The following C1QTNF8 variants were observed in gnomAD, a reference collection of about 807,000 sequenced individuals.
The protein encoded by C1QTNF8 is C1q and TNF related 8, also known as complement C1q tumor necrosis factor-related protein 8.
Under a neutral mutation model 19.2 loss-of-function variants are expected in C1QTNF8, and 27 were observed. That is an observed-to-expected ratio of 1.41 (90% CI 1.04 to 1.94). The LOEUF (loss-of-function observed/expected upper bound fraction) is 1.94, where lower values mean the gene tolerates loss of function less well. C1QTNF8 is among the 30% of genes most tolerant of loss of function. The probability of loss-of-function intolerance (pLI) is 0.00; values close to 1 mark genes in which losing one functional copy is unlikely to be tolerated. For synonymous variants in C1QTNF8, 208 were observed against 172.8 expected, an observed-to-expected ratio of 1.20 and a Z score of -1.60; for missense variants, 484 against 374.4, an observed-to-expected ratio of 1.29 and a Z score of -2.42.
In C1QTNF8 at chr16:1,092,405, CTCAA is replaced by C. The variant is rs745885646; in HGVS notation, c.*4+1088_*4+1091del. 4.9e-3 allele frequency among the ~76,000 whole-genome samples: 732 copies of C among 149,866 alleles called. 3 individuals carry two copies. The highest frequency in any genetic ancestry group is 0.01 in the Middle Eastern group (3 of 292). ...AACCAATCCCTGCACACAGTCGGCG[CTCAA>C]TCAATCACTGCACACAGTCGGCACT... On this transcript the variant is annotated intron_variant, in intron 4 of 4. Transcript: ENST00000328449.
intron 2 of C1QTNF8, 64 bp from the exon 3 acceptor site, chr16:1,094,997 T>C: frequency 1.4e-6 from 1 of 692,026 alleles, no homozygotes; most frequent in Non-Finnish European, 2.1e-6. Flanking sequence ...CCCCAGACCC[T>C]ACGGCAGCCC....
In C1QTNF8 at chr16:1,088,399, C is replaced by A. The variant is rs558906993; in HGVS notation, c.*2200G>T. ...ACTCATGATTAAAGCCAGCACGGGC[C>A]GACCACGGGGGTGCCCGGTGCGGTT... On this transcript the variant is annotated 3_prime_UTR_variant, in exon 5 of 5. Coordinates refer to ENST00000328449, the MANE Select transcript of C1QTNF8 (RefSeq NM_207419.3). 1.3e-5 allele frequency among the ~76,000 whole-genome samples: 2 copies of A among 152,282 alleles called. No homozygotes were observed. The highest frequency in any genetic ancestry group is 2.4e-5 in the African/African-American group (1 of 41,554).
chr16:1,096,254 G>C (rs2076423), upstream of C1QTNF8: 36,588 of 152,328 alleles, frequency 0.24, 5,031 homozygotes, highest in Non-Finnish European at 0.32. Flanking sequence ...CTGTCCAAGA[G>C]CAACAGGCCG....
chr16:1,092,530 A>T (rs1415309914), intron 4 of C1QTNF8, among the ~76,000 whole-genome samples: 137 of 51,586 alleles, frequency 2.7e-3, no homozygotes, highest in Middle Eastern at 0.016. Flanking sequence ...AACCAATCAC[A>T]GCACACAGTC....
In C1QTNF8 at chr16:1,089,116, C is replaced by T. The variant is rs73494066; in HGVS notation, c.*1483G>A. Among the ~76,000 whole-genome samples, 2,235 of 152,266 alleles carry T rather than the reference C, an allele frequency of 0.015. 54 individuals are homozygous for T. The highest frequency in any genetic ancestry group is 0.049 in the African/African-American group (2,055 of 41,546). Reference sequence around the variant, plus strand: ...CCAGGGCCAGGGCCAGGGAAAGGAACGGTTGTCTGGGATTCTGGGGTGCTT... The same window carrying T: ...CCAGGGCCAGGGCCAGGGAAAGGAATGGTTGTCTGGGATTCTGGGGTGCTT... On this transcript the variant is annotated 3_prime_UTR_variant, in exon 5 of 5. Coordinates refer to ENST00000328449, the MANE Select transcript of C1QTNF8 (RefSeq NM_207419.3).
chr16:1,095,842 C>G (rs560822681), intron 1 of C1QTNF8, 54 bp from the exon 2 acceptor site: 1 of 152,434 alleles, frequency 6.6e-6, no homozygotes, highest in Non-Finnish European at 1.5e-5. Context: ...GAGACACCCT[C>G]TGCCTGCCTC....
At position 1,093,676 on chromosome 16, in the gene C1QTNF8, T is replaced by G. The variant is rs747559935; in HGVS notation, c.584A>C (p.Gln195Pro). 3.7e-6 allele frequency: 6 copies of G among 1,610,310 alleles called. No homozygotes were observed. Among genetic ancestry groups the G allele is most frequent in the Non-Finnish European group, 5.1e-6 (6 of 1,178,472 alleles). ...NRRPAAVLYA[Q>P]PSERSVMQAQ... ...CTGCATGACGCTGCGCTCGCTGGGC[T>G]GCGCGTAGAGCACGGCCGCGGGCCG... Residue 195 changes from glutamine to proline, a missense_variant, in exon 4 of 5, where the codon CAG becomes CCG. By Grantham distance (76) the Gln-to-Pro change is moderately conservative. Coordinates refer to ENST00000328449, the MANE Select transcript of C1QTNF8 (RefSeq NM_207419.3).
At chr16:1,094,545 C>A (rs1187325918) in intron 3 of C1QTNF8, 170 bp downstream of exon 3, 29 of 507,076 alleles carry the variant, frequency 5.7e-5, no homozygotes, top group Non-Finnish European at 9.8e-5. Context: ...AGGCTTCTTC[C>A]TGCTTGCGGG....
chr16:1,094,758 C>A lies in C1QTNF8; in HGVS notation c.165G>T (p.Gly55=), dbSNP rs769768932. 8 of 1,556,542 alleles carry A rather than the reference C, an allele frequency of 5.1e-6. No individual in the cohort carries two copies. The South Asian group carries it at 9.6e-5, about 19-fold the overall frequency. ...CTATAGTGGGCCGTACTCGAGGCAG[C>A]CCCCTCCACAGGTCCCCCCTCCACA... ...RDLWRGDLWR[G]LPRVRPTIDI... is the part of the protein sequence containing the mutation. Residue 55 remains glycine (G), a synonymous_variant, in exon 3 of 5, where the codon GGG becomes GGT. Coordinates refer to ENST00000328449, the MANE Select transcript of C1QTNF8 (RefSeq NM_207419.3).
intron 1 of C1QTNF8, 86 bp from the exon 2 acceptor site, chr16:1,095,874 G>A (rs1339973836): frequency 6.6e-6 from 1 of 152,318 alleles, no homozygotes; most frequent in Non-Finnish European, 1.5e-5. Flanking sequence ...AGCAGACCCT[G>A]ACTCACCCCC....
intron 4 of C1QTNF8, 127 bp downstream of exon 4, chr16:1,093,370 G>GGCCCCCCCCCCCCCCCCCCC: frequency 4.8e-6 from 2 of 417,556 alleles, no homozygotes; most frequent in Non-Finnish European, 4.4e-6. Flanking sequence ...AAGCTCCGCT[G>GGCCCCCCCCCCCCCCCCCCC]CCCGCCCACC....
intron 4 of C1QTNF8, 97 bp downstream of exon 4, chr16:1,093,392 ACACCCACC>A: frequency 9.0e-6 from 1 of 110,656 alleles, no homozygotes; most frequent in Non-Finnish European, 1.5e-5. Context: ...CACCACACCC[ACACCCACC>A]CACACACACA....
chr16:1,089,767 G>C lies in C1QTNF8; in HGVS notation c.*832C>G, dbSNP rs1960505503. Among the ~76,000 whole-genome samples the C allele has an allele frequency of 6.6e-6, 1 of 152,136 alleles. No individual in the cohort carries two copies. Among genetic ancestry groups the C allele is most frequent in the Non-Finnish European group, 1.5e-5 (1 of 68,024 alleles). ...CCGTCAGCACACGGGGTAGGGCTGG[G>C]GGTGTCCCGGTCGGGGTGGGAGGCC... On this transcript the variant is annotated 3_prime_UTR_variant, in exon 5 of 5. Transcript: ENST00000328449.
Position 1,094,809 on chromosome 16 carries a change from G to C in C1QTNF8, c.114C>G (p.Pro38=). The C allele has an allele frequency of 1.3e-6, 2 of 1,502,192 alleles. No homozygotes were observed. Among genetic ancestry groups the C allele is most frequent in the South Asian group, 2.7e-5 (2 of 74,674 alleles). The allele number at this position is 1,502,192 out of a possible 1,614,324, so 93.1% of individuals were successfully genotyped here. A position where few individuals can be genotyped will look rare whatever the true frequency, so the allele number is the denominator to read the frequency against. The part of the protein sequence containing the change: ...HCCRPAWPPG[P]YARVSDRDLW... ...GGTCCCTGTCACTCACCCGGGCATAGGGTCCAGGGGGCCAGGCCGGGCGGC... is the reference window on the plus strand; with the variant it reads ...GGTCCCTGTCACTCACCCGGGCATACGGTCCAGGGGGCCAGGCCGGGCGGC... The change falls in exon 3 of 5, where the codon CCC becomes CCG. Residue 38 remains proline (P), a synonymous_variant. Coordinates refer to ENST00000328449, the MANE Select transcript of C1QTNF8 (RefSeq NM_207419.3).
chr16:1,092,712 G>A (rs1439965743), intron 4 of C1QTNF8, among the ~76,000 whole-genome samples: 1 of 99,716 alleles, frequency 1.0e-5, no homozygotes, highest in Non-Finnish European at 2.0e-5. Flanking sequence ...CACAGTCGGC[G>A]CTCAACCAAT....
At chr16:1,094,584 C>A (rs925673425) in intron 3 of C1QTNF8, 131 bp downstream of exon 3, 2 of 660,646 alleles carry the variant, frequency 3.0e-6, no homozygotes. Flanking sequence ...GTGCAGGGAG[C>A]GCTGCCAGGG....
intron 4 of C1QTNF8, among the ~76,000 whole-genome samples, chr16:1,092,417 C>G (rs1260656772): frequency 6.1e-5 from 9 of 148,132 alleles, no homozygotes; most frequent in South Asian, 2.2e-4. Context: ...CAATCAATCA[C>G]TGCACACAGT....
chr16:1,094,686 A>G (rs752965172), intron 3 of C1QTNF8, 29 bp downstream of exon 3: 3 of 1,565,670 alleles, frequency 1.9e-6, no homozygotes, highest in South Asian at 1.1e-5. Context: ...CTGGTGGGGG[A>G]GCATGCAGGC....
chr16:1,092,519 C>T, intron 4 of C1QTNF8, among the ~76,000 whole-genome samples: 1 of 139,194 alleles, frequency 7.2e-6, no homozygotes, highest in Non-Finnish European at 1.6e-5. Context: ...AGTCGGCGCT[C>T]AACCAATCAC....
Sources: allele counts gnomAD v4.1 joint callset (sites outside exome capture counted in the v4.1 genomes callset), GRCh38; gene constraint gnomAD v4.1.1; transcripts MANE v1.5; gene names NCBI Gene and HGNC (gene_info 2026-07-23, HGNC 2026-07-21).